FDX1: variants seen among roughly 807,000 people sequenced by gnomAD.
FDX1 encodes adrenodoxin, mitochondrial.
Under a neutral mutation model 14.9 loss-of-function variants are expected in FDX1, and 9 were observed. The observed-to-expected ratio is 0.60, with a 90% CI of 0.36 to 1.05. The LOEUF is 1.05. Among genes scored for constraint, FDX1 ranks in the 50% least tolerant of loss-of-function variants. FDX1 has a pLI of 0.01. For missense variants in FDX1, 204 were observed against 237.2 expected, an observed-to-expected ratio of 0.86 and a Z score of 0.92; for synonymous variants, 92 against 99.4, an observed-to-expected ratio of 0.93 and a Z score of 0.44.
In FDX1 at chr11:110,459,081, A is replaced by G. The variant is rs180687014; in HGVS notation, c.440+2034A>G. On this transcript the variant is annotated intron_variant, in intron 3 of 3. Transcript: ENST00000260270. Reference sequence around the variant, plus strand: ...GCCAGATTCACAGTAGAGGTCACCAACTGCTTGCGGAATTAATAGTTGATG... The same window carrying G: ...GCCAGATTCACAGTAGAGGTCACCAGCTGCTTGCGGAATTAATAGTTGATG... Among the ~76,000 whole-genome samples the G allele has an allele frequency of 1.3e-3, 192 of 152,270 alleles. 2 individuals carry two copies. The highest frequency in any genetic ancestry group is 6.0e-3 in the Admixed American group (92 of 15,290).
At chr11:110,444,668 A>ATATATATATATATACACACG (rs1946428942) in intron 2 of FDX1, among the ~76,000 whole-genome samples, 18 of 68,098 alleles carry the variant, frequency 2.6e-4, no homozygotes, top group Non-Finnish European at 4.7e-4. Context: ...ATATATACGT[A>ATATATATATATATACACACG]TATATATATA....
intron 2 of FDX1, among the ~76,000 whole-genome samples, chr11:110,453,611 C>T (rs954190577): frequency 2.0e-5 from 3 of 150,286 alleles, no homozygotes; most frequent in Admixed American, 6.6e-5. Flanking sequence ...CCAATATTCT[C>T]TAAAATTCTT....
Position 110,430,000 on chromosome 11 carries a change from C to G in FDX1, c.-121C>G. ...GCAGGGTCTCTCCGCCACTCCAGCC[C>G]CGCGCCCCTCGCCGCGGCCCTCGGG... On this transcript the variant is annotated 5_prime_UTR_variant, in exon 1 of 4. Coordinates refer to ENST00000260270, the MANE Select transcript of FDX1 (RefSeq NM_004109.5). 3.1e-6 allele frequency: 2 copies of G among 644,484 alleles called. No homozygotes were observed. The highest frequency in any genetic ancestry group is 4.3e-6 in the Non-Finnish European group (2 of 464,432). The allele number at this position is 644,484 out of a possible 1,614,324, so 39.9% of individuals were successfully genotyped here. A position where few individuals can be genotyped will look rare whatever the true frequency, so the allele number is the denominator to read the frequency against.
chr11:110,442,661 G>A (rs1020407495), intron 2 of FDX1, among the ~76,000 whole-genome samples: 2 of 152,214 alleles, frequency 1.3e-5, no homozygotes, highest in Non-Finnish European at 1.5e-5. Context: ...GATTTTACAG[G>A]CTCATAGGCA....
At chr11:110,435,058 C>G (rs1946359830) in intron 1 of FDX1, among the ~76,000 whole-genome samples, 1 of 151,568 alleles carries the variant, frequency 6.6e-6, no homozygotes, top group South Asian at 2.1e-4. Flanking sequence ...TTGGCCTTTT[C>G]TTTTTTAAAT....
At chr11:110,435,420 A>G (rs1946361811) in intron 1 of FDX1, among the ~76,000 whole-genome samples, 1 of 152,200 alleles carries the variant, frequency 6.6e-6, no homozygotes. Flanking sequence ...ACTATTAGGG[A>G]GACATATACT....
intron 1 of FDX1, among the ~76,000 whole-genome samples, chr11:110,432,375 CA>C (rs1180636876): frequency 6.6e-6 from 1 of 152,082 alleles, no homozygotes; most frequent in South Asian, 2.1e-4. Context: ...GACTAGAACT[CA>C]AGAAGTTTTT....
intron 3 of FDX1, among the ~76,000 whole-genome samples, chr11:110,457,667 A>G (rs1946530745): frequency 6.6e-6 from 1 of 152,168 alleles, no homozygotes; most frequent in African/African-American, 2.4e-5. Context: ...TAAGATAATG[A>G]GGGCATATTA....
At chr11:110,433,087 G>A (rs530497495) in intron 1 of FDX1, among the ~76,000 whole-genome samples, 5 of 152,224 alleles carry the variant, frequency 3.3e-5, no homozygotes, top group Admixed American at 3.3e-4. Flanking sequence ...AAGAGATTTC[G>A]AATTCCTTTG....
intron 1 of FDX1, among the ~76,000 whole-genome samples, chr11:110,430,668 C>G (rs193158972): frequency 6.6e-6 from 1 of 152,220 alleles, no homozygotes; most frequent in Non-Finnish European, 1.5e-5. Context: ...CTTTGCTCTG[C>G]CCGAAACTGG....
intron 1 of FDX1, among the ~76,000 whole-genome samples, chr11:110,432,077 G>A (rs1196384176): frequency 6.6e-6 from 1 of 152,206 alleles, no homozygotes; most frequent in Non-Finnish European, 1.5e-5. Flanking sequence ...TTGCAAGTAT[G>A]TGTAGAACAT....
chr11:110,451,385 A>G (rs544521982), intron 2 of FDX1, among the ~76,000 whole-genome samples: 7 of 152,184 alleles, frequency 4.6e-5, no homozygotes, highest in Non-Finnish European at 7.3e-5. Context: ...TTTTTTAAAG[A>G]GACAGGGTCT....
intron 2 of FDX1, among the ~76,000 whole-genome samples, chr11:110,443,551 C>T (rs759666714): frequency 4.6e-5 from 7 of 151,624 alleles, no homozygotes; most frequent in Non-Finnish European, 1.0e-4. Flanking sequence ...AGTGATTCTC[C>T]TGCCTTAGCC....
intron 2 of FDX1, among the ~76,000 whole-genome samples, chr11:110,450,461 G>C (rs1185490870): frequency 6.6e-6 from 1 of 152,158 alleles, no homozygotes; most frequent in Admixed American, 6.5e-5. Context: ...TGAGCAATGG[G>C]GAGCAGTTGT....
chr11:110,449,598 C>A (rs957821930), intron 2 of FDX1, among the ~76,000 whole-genome samples: 5 of 152,182 alleles, frequency 3.3e-5, no homozygotes, highest in Admixed American at 6.5e-5. Flanking sequence ...ACTGCAGTCA[C>A]CATGCTGTTG....
intron 2 of FDX1, among the ~76,000 whole-genome samples, chr11:110,455,147 C>T (rs1197470932): frequency 6.6e-6 from 1 of 152,112 alleles, no homozygotes; most frequent in Non-Finnish European, 1.5e-5. Context: ...GCTGGGATTA[C>T]AGGTGTGCAC....
At chr11:110,448,067 G>T (rs950979517) in intron 2 of FDX1, among the ~76,000 whole-genome samples, 4 of 152,136 alleles carry the variant, frequency 2.6e-5, no homozygotes, top group Non-Finnish European at 5.9e-5. Flanking sequence ...AGATCTTTTG[G>T]ATGATGCAGG....
intron 2 of FDX1, among the ~76,000 whole-genome samples, chr11:110,445,519 C>T (rs576604562): frequency 1.3e-5 from 2 of 152,054 alleles, no homozygotes; most frequent in Non-Finnish European, 2.9e-5. Flanking sequence ...TCATCTTTTG[C>T]AAGGGTATTA....
chr11:110,438,664 G>C (rs1946386047), intron 2 of FDX1, among the ~76,000 whole-genome samples: 2 of 151,582 alleles, frequency 1.3e-5, no homozygotes, highest in Admixed American at 6.6e-5. Flanking sequence ...TTTTAGTTTT[G>C]CCGCATTGAC....
Sources: allele counts gnomAD v4.1 joint callset (sites outside exome capture counted in the v4.1 genomes callset), GRCh38; gene constraint gnomAD v4.1.1; transcripts MANE v1.5; gene names NCBI Gene and HGNC (gene_info 2026-07-23, HGNC 2026-07-21).